NBR1: variants seen among roughly 807,000 people sequenced by gnomAD.
NBR1 encodes the protein next to BRCA1 gene 1 protein.
NBR1 carries 59 observed loss-of-function variants against 115.5 expected under a neutral mutation model. That is an observed-to-expected ratio of 0.51 (90% CI 0.41 to 0.63). The LOEUF is 0.63. Among genes scored for constraint, NBR1 ranks in the 30% least tolerant of loss-of-function variants. The pLI is 0.00. For synonymous variants in NBR1, 373 were observed against 414.7 expected (o/e 0.90, Z 1.22); for missense variants, 1,043 against 1,150.5 (o/e 0.91, Z 1.35).
chr17:43,189,825 C>T (rs2056901145), intron 8 of NBR1, 23 bp downstream of exon 8: 8 of 1,602,738 alleles, frequency 5.0e-6, no homozygotes, highest in Non-Finnish European at 6.8e-6. Flanking sequence ...TTGGGAGTAG[C>T]TAGCTAGTGA....
chr17:43,205,682 G>T (rs1208338386), intron 20 of NBR1, among the ~76,000 whole-genome samples: 1 of 152,002 alleles, frequency 6.6e-6, no homozygotes, highest in African/African-American at 2.4e-5. Flanking sequence ...TTCAAGACCA[G>T]TTTGGGCAAC....
Position 43,186,339 on chromosome 17 carries a change from A to G in NBR1, c.297A>G (p.Ala99=). The G allele has an allele frequency of 6.3e-7, 1 of 1,597,606 alleles. No individual in the cohort carries two copies. The highest frequency in any genetic ancestry group is 1.1e-5 in the South Asian group (1 of 87,962). The change falls in exon 6 of 21, where the codon GCA becomes GCG. Residue 99 remains alanine, a synonymous_variant. Coordinates refer to ENST00000590996, the MANE Select transcript of NBR1 (RefSeq NM_005899.5). ...VDEAPPPVVG[A]KRLAARAGKK... ...AAGCCCCACCCCCAGTTGTAGGAGC[A>G]AAACGACTAGCTGCCAGGGCAGGGA...
In NBR1 at chr17:43,197,092, A is replaced by C; in HGVS notation, c.2012A>C (p.Gln671Pro). The C allele has an allele frequency of 6.2e-7, 1 of 1,613,922 alleles. No individual in the cohort carries two copies. Among genetic ancestry groups the C allele is most frequent in the African/African-American group, 1.3e-5 (1 of 75,056 alleles). Residue 671 changes from glutamine (Q) to proline (P), a missense_variant, in exon 16 of 21, where the codon CAG becomes CCG. Physicochemically the swap from Gln to Pro is moderately conservative, Grantham distance 76. Coordinates refer to ENST00000590996, the MANE Select transcript of NBR1 (RefSeq NM_005899.5). The part of the protein sequence containing the change: ...AAPDHNPPCR[Q>P]KSLQMTFALP... ...CCAGACCACAACCCTCCTTGCAGAC[A>C]GAAGTCCTTGCAGAGTGAGTGTCCT...
intron 5 of NBR1, among the ~76,000 whole-genome samples, chr17:43,181,281 C>T (rs1408255896): frequency 5.3e-5 from 8 of 152,290 alleles, no homozygotes; most frequent in South Asian, 4.1e-4. Flanking sequence ...TGAATGGGCA[C>T]GACACTCAGC....
chr17:43,202,244 A>G (rs546247319), intron 18 of NBR1, among the ~76,000 whole-genome samples: 52 of 150,436 alleles, frequency 3.5e-4, no homozygotes, highest in African/African-American at 1.2e-3. Flanking sequence ...TCTAATTTCT[A>G]TTCTCTGGCT....
In NBR1 at chr17:43,196,483, G is replaced by T. The variant is rs778329994; in HGVS notation, c.1753G>T (p.Val585Leu). 12 of 1,565,190 alleles carry T rather than the reference G, an allele frequency of 7.7e-6. No individual in the cohort carries two copies. Among genetic ancestry groups the T allele is most frequent in the Non-Finnish European group, 9.5e-6 (11 of 1,158,136 alleles). The change falls in exon 15 of 21, where the codon GTG becomes TTG. Residue 585 changes from valine (V) to leucine (L), a missense_variant and splice_region_variant. Coordinates refer to ENST00000590996, the MANE Select transcript of NBR1 (RefSeq NM_005899.5). The stretch of plus-strand genomic sequence containing the variant: ...GTTCTCCTGTCTTCATTCTCCAGAT[G>T]TGACTCCCTGCATGTCTCCTCTGCC... ...ERVPHNTPVD[V>L]TPCMSPLPHD... is the part of the protein sequence containing the mutation.
At chr17:43,174,703 G>T (rs560343992) in intron 1 of NBR1, among the ~76,000 whole-genome samples, 1 of 152,040 alleles carries the variant, frequency 6.6e-6, no homozygotes, top group African/African-American at 2.4e-5. Context: ...GGGAGATGCG[G>T]GGGTATATGT....
rs1024076997 is a variant in NBR1 at position 43,190,552 on chromosome 17, C to T, written c.696-57C>T. Reference sequence around the variant, plus strand: ...ACATAGAAGTATGGTCTTATATCTCCCTACCCCAGGTACTTCCTATTCTGC... The same window carrying T: ...ACATAGAAGTATGGTCTTATATCTCTCTACCCCAGGTACTTCCTATTCTGC... On this transcript the variant is annotated intron_variant, in intron 8 of 20. Transcript: ENST00000590996. 4.6e-6 allele frequency: 7 copies of T among 1,534,670 alleles called. No individual in the cohort carries two copies. In the African/African-American group the frequency reaches 9.6e-5, roughly 21 times the overall value.
intron 6 of NBR1, 89 bp from the exon 7 acceptor site, chr17:43,188,953 C>T (rs910281464): frequency 1.1e-6 from 1 of 947,234 alleles, no homozygotes. Context: ...TATGATTTCA[C>T]AAAAGAAACC....
rs377528948 is a variant in NBR1 at position 43,187,112 on chromosome 17, T to C, written c.402+668T>C. ...ATCGCCACACTGTCTTCAACAATGG[T>C]TGAACTAATTTACACTCCCACCAAC... is the stretch of plus-strand genomic sequence containing the variant. On this transcript the variant is annotated intron_variant, in intron 6 of 20. Coordinates refer to ENST00000590996, the MANE Select transcript of NBR1 (RefSeq NM_005899.5). 7.9e-5 allele frequency among the ~76,000 whole-genome samples: 12 copies of C among 152,230 alleles called. No homozygotes were observed. The East Asian group carries it at 1.5e-3, about 20-fold the overall frequency.
chr17:43,209,106 T>G (rs2057369483), intron 20 of NBR1, among the ~76,000 whole-genome samples: 1 of 151,494 alleles, frequency 6.6e-6, no homozygotes, highest in Non-Finnish European at 1.5e-5. Context: ...AGATGGAGTC[T>G]CGCTCTGTCA....
chr17:43,186,331 G>A lies in NBR1; in HGVS notation c.289G>A (p.Val97Ile). Residue 97 changes from valine to isoleucine, a missense_variant, in exon 6 of 21, where the codon GTA (valine) becomes ATA (isoleucine). Physicochemically the swap from Val to Ile is conservative, Grantham distance 29. Coordinates refer to ENST00000590996, the MANE Select transcript of NBR1 (RefSeq NM_005899.5). ...HVVDEAPPPV[V>I]GAKRLAARAG... ...CGTTGATGAAGCCCCACCCCCAGTTGTAGGAGCAAAACGACTAGCTGCCAG... is the reference window on the plus strand; with the variant it reads ...CGTTGATGAAGCCCCACCCCCAGTTATAGGAGCAAAACGACTAGCTGCCAG... 1 of 1,595,596 alleles carries A rather than the reference G, an allele frequency of 6.3e-7. No individual in the cohort carries two copies. The highest frequency in any genetic ancestry group is 8.5e-7 in the Non-Finnish European group (1 of 1,171,006).
Position 43,196,583 on chromosome 17 carries a change from C to T in NBR1, c.1853C>T (p.Ala618Val). 1.3e-6 allele frequency: 2 copies of T among 1,595,208 alleles called. No individual in the cohort carries two copies. The highest frequency in any genetic ancestry group is 8.5e-7 in the Non-Finnish European group (1 of 1,169,932). Residue 618 changes from alanine (A) to valine (V), a missense_variant, in exon 15 of 21, where the codon GCA (alanine) becomes GTA (valine). Physicochemically the swap from Ala to Val is moderately conservative, Grantham distance 64 (BLOSUM62 0). Transcript: ENST00000590996. ...GAGAATGAAGGGGCAGGATTTAAAG[C>T]ACTTCCTGGTAAGGGATTAAACATT... ...EEENEGAGFK[A>V]LPDSMVSVKR...
chr17:43,198,014 G>A (rs183035238), intron 16 of NBR1, among the ~76,000 whole-genome samples: 1 of 151,820 alleles, frequency 6.6e-6, no homozygotes, highest in Non-Finnish European at 1.5e-5. Context: ...TTAGCCAGGT[G>A]TGGTGGCTAC....
intron 20 of NBR1, among the ~76,000 whole-genome samples, chr17:43,206,273 G>A (rs1460932113): frequency 6.6e-6 from 1 of 152,088 alleles, no homozygotes; most frequent in Non-Finnish European, 1.5e-5. Context: ...TTAATAGGAG[G>A]AGCAATTGAA....
intron 12 of NBR1, 50 bp downstream of exon 12, chr17:43,193,688 G>C: frequency 6.5e-7 from 1 of 1,536,216 alleles, no homozygotes; most frequent in Non-Finnish European, 8.8e-7. Context: ...CTTAGTTAGA[G>C]AGGAGATGGC....
chr17:43,209,445 T>C, intron 20 of NBR1: 1 of 821,724 alleles, frequency 1.2e-6, no homozygotes, highest in Non-Finnish European at 1.9e-6. Context: ...CCAAGCTGTT[T>C]TTTTTGTCCA....
intron 17 of NBR1, among the ~76,000 whole-genome samples, chr17:43,201,393 A>G (rs17599948): frequency 0.15 from 23,385 of 152,266 alleles, 2,024 homozygotes; most frequent in South Asian, 0.31. Flanking sequence ...AGCCTTGACT[A>G]TAATGTAAAC....
At chr17:43,190,211 G>A in intron 8 of NBR1, 1 of 305,796 alleles carries the variant, frequency 3.3e-6, no homozygotes, top group Non-Finnish European at 6.2e-6. Flanking sequence ...ACTTCAGCCT[G>A]CCAAGTAGCT....
Sources: gnomAD v4.1 joint callset for allele counts (sites outside exome capture counted in the v4.1 genomes callset) on GRCh38, gnomAD v4.1.1 for gene constraint, MANE v1.5 for transcripts, NCBI Gene and HGNC (gene_info 2026-07-23, HGNC 2026-07-21) for gene names.